The following ERBB4 variants were observed in gnomAD, a reference collection of about 807,000 sequenced individuals.
The protein encoded by ERBB4 is erb-b2 receptor tyrosine kinase 4, also known as receptor tyrosine-protein kinase erbB-4.
ERBB4 carries 42 observed loss-of-function variants against 158.0 expected under a neutral mutation model. That is an observed-to-expected ratio of 0.27 (90% confidence interval 0.21 to 0.34). ERBB4 has a LOEUF of 0.34. ERBB4 is among the 10% of genes least tolerant of loss of function. The pLI is 1.00. For synonymous variants in ERBB4, 583 were observed against 558.7 expected (o/e 1.04, Z -0.61); for missense variants, 1,333 against 1,624.1 (o/e 0.82, Z 3.08).
chr2:212,402,910 G>T (rs578007038), intron 1 of ERBB4, among the ~76,000 whole-genome samples: 1 of 151,816 alleles, frequency 6.6e-6, no homozygotes, highest in Non-Finnish European at 1.5e-5. Flanking sequence ...CAACTTTTAC[G>T]TGATACCAGC....
chr2:211,923,433 T>C (rs1265083488), intron 3 of ERBB4, among the ~76,000 whole-genome samples: 1 of 152,120 alleles, frequency 6.6e-6, no homozygotes, highest in African/African-American at 2.4e-5. Flanking sequence ...TGCAGATGAA[T>C]TTTTCAAGAA....
intron 12 of ERBB4, among the ~76,000 whole-genome samples, chr2:211,689,151 A>G (rs1365519644): frequency 6.6e-6 from 1 of 152,222 alleles, no homozygotes; most frequent in African/African-American, 2.4e-5. Context: ...GTCATAATAC[A>G]GAGGAAGAGG....
chr2:211,883,990 A>T (rs1420347990), intron 3 of ERBB4, among the ~76,000 whole-genome samples: 1 of 152,164 alleles, frequency 6.6e-6, no homozygotes, highest in African/African-American at 2.4e-5. Context: ...TGAAATAGAG[A>T]AAATTACTTC....
intron 1 of ERBB4, among the ~76,000 whole-genome samples, chr2:212,350,333 TC>T (rs2106339271): frequency 6.6e-6 from 1 of 152,246 alleles, no homozygotes; most frequent in African/African-American, 2.4e-5. Flanking sequence ...AAGAATAGTT[TC>T]CTTAAGAGGA....
chr2:211,486,827 C>G (rs1010670368), intron 20 of ERBB4, among the ~76,000 whole-genome samples: 2 of 151,970 alleles, frequency 1.3e-5, no homozygotes, highest in Non-Finnish European at 2.9e-5. Flanking sequence ...AAGGTAATTG[C>G]TCAATAAAAT....
intron 19 of ERBB4, among the ~76,000 whole-genome samples, chr2:211,594,255 G>T (rs916179400): frequency 6.6e-6 from 1 of 152,010 alleles, no homozygotes; most frequent in Admixed American, 6.6e-5. Context: ...TGGGCAACAC[G>T]GTGAAACCTC....
chr2:212,217,163 G>A (rs1431360638), intron 1 of ERBB4, among the ~76,000 whole-genome samples: 1 of 151,314 alleles, frequency 6.6e-6, no homozygotes, highest in African/African-American at 2.4e-5. Context: ...TGTTTTGACA[G>A]TGAAAAAGGC....
chr2:212,069,804 C>T (rs952636201), intron 2 of ERBB4, among the ~76,000 whole-genome samples: 18 of 151,762 alleles, frequency 1.2e-4, no homozygotes, highest in African/African-American at 2.2e-4. Context: ...GAAAACAATT[C>T]GATTTACACT....
At chr2:211,915,418 C>G (rs897913288) in intron 3 of ERBB4, among the ~76,000 whole-genome samples, 1 of 143,736 alleles carries the variant, frequency 7.0e-6, no homozygotes, top group Non-Finnish European at 1.5e-5. Flanking sequence ...AGAAGGCAAA[C>G]TAACAGAGTT....
At chr2:212,100,710 CT>C (rs1408029360) in intron 2 of ERBB4, among the ~76,000 whole-genome samples, 2 of 152,140 alleles carry the variant, frequency 1.3e-5, no homozygotes, top group African/African-American at 2.4e-5. Context: ...AACGAAGTGA[CT>C]ACTGGGAGCA....
chr2:211,973,786 GTTCATTACAGC>G (rs989557557), intron 2 of ERBB4, among the ~76,000 whole-genome samples: 1 of 152,118 alleles, frequency 6.6e-6, no homozygotes, highest in Non-Finnish European at 1.5e-5. Context: ...GCATGTGTAT[GTTCATTACAGC>G]ATTATGCACA....
intron 14 of ERBB4, among the ~76,000 whole-genome samples, chr2:211,672,715 T>C (rs2071888750): frequency 6.6e-6 from 1 of 152,214 alleles, no homozygotes; most frequent in Non-Finnish European, 1.5e-5. Flanking sequence ...TTTATATGTT[T>C]CTTCTTTCCA....
chr2:212,411,392 T>C (rs1406295157), intron 1 of ERBB4, among the ~76,000 whole-genome samples: 1 of 152,110 alleles, frequency 6.6e-6, no homozygotes, highest in Non-Finnish European at 1.5e-5. Context: ...AACCTAAAGT[T>C]AGAAAAAATA....
chr2:211,415,388 G>C, intron 25 of ERBB4, among the ~76,000 whole-genome samples: 1 of 151,986 alleles, frequency 6.6e-6, no homozygotes, highest in African/African-American at 2.4e-5. Context: ...CAAAGTGCTG[G>C]GATTACAGGC....
intron 21 of ERBB4, among the ~76,000 whole-genome samples, 192 bp downstream of exon 21, chr2:211,430,753 A>ATG (rs2063729914): frequency 8.0e-6 from 1 of 125,334 alleles, no homozygotes; most frequent in Non-Finnish European, 1.9e-5. Context: ...GTATATATAT[A>ATG]TGTGTGTGTA....
chr2:211,381,120 T>A lies in ERBB4; in HGVS notation c.*2495A>T, dbSNP rs534407599. ...CCCTGAGCTATTAGATTGTGGCCCC[T>A]GAATCACTCTGTGTCTTTACCCCTG... On this transcript the variant is annotated 3_prime_UTR_variant, in exon 28 of 28. Transcript: ENST00000342788. 4.7e-4 allele frequency: 109 copies of A among 232,490 alleles called. No homozygotes were observed. The highest frequency in any genetic ancestry group is 2.3e-3 in the African/African-American group (105 of 45,428). The allele number at this position is 232,490 out of a possible 1,614,324, so 14.4% of individuals were successfully genotyped here. A position where few individuals can be genotyped will look rare whatever the true frequency, so the allele number is the denominator to read the frequency against.
At chr2:211,450,330 T>G (rs1414893606) in intron 20 of ERBB4, among the ~76,000 whole-genome samples, 2 of 152,104 alleles carry the variant, frequency 1.3e-5, no homozygotes, top group Non-Finnish European at 2.9e-5. Context: ...ATAAAAGTCC[T>G]TGGGATGTAT....
chr2:211,831,357 T>A (rs551283950), intron 3 of ERBB4, among the ~76,000 whole-genome samples: 18 of 152,158 alleles, frequency 1.2e-4, no homozygotes, highest in African/African-American at 1.7e-4. Context: ...GCTCTCTATA[T>A]CAATTGGATA....
chr2:211,608,071 G>C (rs917558407), intron 19 of ERBB4, among the ~76,000 whole-genome samples: 5 of 151,604 alleles, frequency 3.3e-5, no homozygotes, highest in African/African-American at 1.2e-4. Flanking sequence ...ATTTGTGTGT[G>C]TATGTGTGTT....
Sources: gnomAD v4.1 joint callset for allele counts (sites outside exome capture counted in the v4.1 genomes callset) on GRCh38, gnomAD v4.1.1 for gene constraint, MANE v1.5 for transcripts, NCBI Gene and HGNC (gene_info 2026-07-23, HGNC 2026-07-21) for gene names.